CAMLG: variants seen among roughly 807,000 people sequenced by gnomAD.
CAMLG encodes calcium modulating ligand.
Under a neutral mutation model 28.9 loss-of-function variants are expected in CAMLG, and 23 were observed. The observed-to-expected ratio is 0.80, with a 90% CI of 0.57 to 1.13. CAMLG has a LOEUF of 1.13. Among genes scored for constraint, CAMLG ranks in the 50% most tolerant of loss-of-function variants. CAMLG has a pLI of 0.00. For synonymous variants in CAMLG, 141 were observed against 146.5 expected (o/e 0.96, Z 0.27); for missense variants, 367 against 371.9 (o/e 0.99, Z 0.11).
intron 3 of CAMLG, among the ~76,000 whole-genome samples, chr5:134,744,759 A>T (rs1753026121): frequency 6.6e-6 from 1 of 152,188 alleles, no homozygotes. Flanking sequence ...ATTGTACTTC[A>T]TATTGGACAC....
At chr5:134,739,558 A>G (rs1391642796) in intron 1 of CAMLG, among the ~76,000 whole-genome samples, 2 of 152,110 alleles carry the variant, frequency 1.3e-5, no homozygotes, top group African/African-American at 4.8e-5. Context: ...AAAAAAATTT[A>G]TTTCACGTGA....
chr5:134,740,978 G>A (rs1752975158), intron 1 of CAMLG, 85 bp from the exon 2 acceptor site: 1 of 858,808 alleles, frequency 1.2e-6, no homozygotes, highest in Non-Finnish European at 1.8e-6. Flanking sequence ...AGTTCTAGCT[G>A]CAACAGCATA....
chr5:134,741,131 G>A lies in CAMLG; in HGVS notation c.241G>A (p.Val81Ile), dbSNP rs138554602. Residue 81 changes from valine (V) to isoleucine (I), a missense_variant, in exon 2 of 4, where the codon GTT (valine) becomes ATT (isoleucine). Transcript: ENST00000297156. ...ACTGAACTCCCTCAGCGTTCCTTCC[G>A]TTTCAAAGCGAGTAGTGCTGGGTGA... The part of the protein sequence containing the change: ...DKLNSLSVPS[V>I]SKRVVLGDSV... The A allele has an allele frequency of 2.7e-5, 44 of 1,614,006 alleles. 1 individual carries two copies. The highest frequency in any genetic ancestry group is 1.6e-4 in the Middle Eastern group (1 of 6,084).
In CAMLG at chr5:134,741,529, A is replaced by T. The variant is rs747787848; in HGVS notation, c.633+6A>T. On this transcript the variant is annotated splice_donor_region_variant and intron_variant, in intron 2 of 3. Coordinates refer to ENST00000297156, the MANE Select transcript of CAMLG (RefSeq NM_001745.4). ...CTTTTGTTTGCAAATACTTGGTAAG[A>T]AAAGATCTGTAAATTATTAACTAAC... The T allele has an allele frequency of 6.5e-7, 1 of 1,548,026 alleles. No homozygotes were observed. Among genetic ancestry groups the T allele is most frequent in the Non-Finnish European group, 8.9e-7 (1 of 1,129,626 alleles).
At chr5:134,749,842 A>G (rs1753092417) in intron 3 of CAMLG, among the ~76,000 whole-genome samples, 1 of 152,210 alleles carries the variant, frequency 6.6e-6, no homozygotes, top group Non-Finnish European at 1.5e-5. Context: ...CCTCCTGAGT[A>G]GATGGGACTA....
chr5:134,750,467 GGCAGAGGTT>G, intron 3 of CAMLG, among the ~76,000 whole-genome samples: 1 of 152,136 alleles, frequency 6.6e-6, no homozygotes, highest in Admixed American at 6.5e-5. Flanking sequence ...GAACCCGGGA[GGCAGAGGTT>G]GCAGTGAGCC....
intron 3 of CAMLG, 103 bp from the exon 4 acceptor site, chr5:134,750,656 T>C (rs1753102600): frequency 2.8e-6 from 2 of 702,476 alleles, no homozygotes; most frequent in East Asian, 5.3e-5. Context: ...TTAACAGTTT[T>C]TAAATCATTT....
chr5:134,744,545 AAG>A (rs1554144524), intron 3 of CAMLG, among the ~76,000 whole-genome samples: 3 of 151,828 alleles, frequency 2.0e-5, no homozygotes, highest in Non-Finnish European at 4.4e-5. Context: ...AAAAAAAAAA[AAG>A]AGTAATTAGA....
chr5:134,749,453 T>TA (rs1303105846), intron 3 of CAMLG, among the ~76,000 whole-genome samples: 4 of 152,276 alleles, frequency 2.6e-5, no homozygotes, highest in South Asian at 2.1e-4. Context: ...TTTAATCTCT[T>TA]AAAAAAATGA....
At chr5:134,744,633 A>G (rs906808949) in intron 3 of CAMLG, among the ~76,000 whole-genome samples, 5 of 152,082 alleles carry the variant, frequency 3.3e-5, no homozygotes, top group Non-Finnish European at 7.4e-5. Flanking sequence ...GAGGTCCTTC[A>G]TGAAAAAGTG....
At chr5:134,749,605 A>G (rs980360815) in intron 3 of CAMLG, among the ~76,000 whole-genome samples, 10 of 152,206 alleles carry the variant, frequency 6.6e-5, no homozygotes, top group Non-Finnish European at 1.0e-4. Flanking sequence ...GTCTGTGACA[A>G]ATTACTCATT....
chr5:134,750,099 A>G (rs1356117745), intron 3 of CAMLG, among the ~76,000 whole-genome samples: 4 of 152,164 alleles, frequency 2.6e-5, no homozygotes, highest in Non-Finnish European at 5.9e-5. Flanking sequence ...GTGAGCTCCT[A>G]TGTCACACAT....
intron 3 of CAMLG, among the ~76,000 whole-genome samples, chr5:134,747,922 C>T (rs1221272713): frequency 2.0e-5 from 3 of 147,388 alleles, no homozygotes; most frequent in Non-Finnish European, 4.5e-5. Flanking sequence ...AGTGCAGTGG[C>T]GAGATCTCAG....
At chr5:134,748,734 C>T (rs913356404) in intron 3 of CAMLG, among the ~76,000 whole-genome samples, 4 of 152,280 alleles carry the variant, frequency 2.6e-5, no homozygotes, top group African/African-American at 7.2e-5. Context: ...AGTCCCTATA[C>T]CCCAAAGAAC....
At chr5:134,747,269 A>G (rs537184007) in intron 3 of CAMLG, among the ~76,000 whole-genome samples, 2 of 152,260 alleles carry the variant, frequency 1.3e-5, no homozygotes, top group East Asian at 3.9e-4. Flanking sequence ...GATGCATTTC[A>G]AAGTATGTTG....
At chr5:134,743,637 G>A (rs952109510) in intron 2 of CAMLG, among the ~76,000 whole-genome samples, 7 of 151,768 alleles carry the variant, frequency 4.6e-5, no homozygotes, top group African/African-American at 1.7e-4. Flanking sequence ...GGAGGCCGAG[G>A]TGGGTGGATC....
In CAMLG at chr5:134,750,957, T is replaced by C; in HGVS notation, c.*7T>C. On this transcript the variant is annotated 3_prime_UTR_variant, in exon 4 of 4. Coordinates refer to ENST00000297156, the MANE Select transcript of CAMLG (RefSeq NM_001745.4). The stretch of plus-strand genomic sequence containing the variant: ...GGGCTCTGAAGTACCATGAAGCCTG[T>C]AGAACTGAGAAGGAGAAGCTTACAA... 3 of 1,591,898 alleles carry C rather than the reference T, an allele frequency of 1.9e-6. No homozygotes were observed. The highest frequency in any genetic ancestry group is 2.6e-6 in the Non-Finnish European group (3 of 1,170,202).
Position 134,738,641 on chromosome 5 carries a change from T to C in CAMLG, c.21T>C (p.Ala7=). The part of the protein sequence containing the change: MESMAV[A]TDGGERPGVP... The stretch of plus-strand genomic sequence containing the variant: ...GGAGGATGGAGTCGATGGCCGTCGC[T>C]ACCGACGGCGGGGAGAGGCCGGGGG... Residue 7 remains alanine, a synonymous_variant, in exon 1 of 4, where the codon GCT becomes GCC. Transcript: ENST00000297156. 1 of 1,611,928 alleles carries C rather than the reference T, an allele frequency of 6.2e-7. No homozygotes were observed. Among genetic ancestry groups the C allele is most frequent in the Non-Finnish European group, 8.5e-7 (1 of 1,179,386 alleles).
intron 3 of CAMLG, among the ~76,000 whole-genome samples, 163 bp downstream of exon 3, chr5:134,744,215 T>C (rs1209865905): frequency 3.3e-5 from 5 of 152,158 alleles, no homozygotes; most frequent in African/African-American, 9.7e-5. Flanking sequence ...GTGTTTGTTA[T>C]ACATTAAGTT....
Sources: gnomAD v4.1 joint callset for allele counts (sites outside exome capture counted in the v4.1 genomes callset) on GRCh38, gnomAD v4.1.1 for gene constraint, MANE v1.5 for transcripts, NCBI Gene and HGNC (gene_info 2026-07-23, HGNC 2026-07-21) for gene names.